CLVS1: variants seen among roughly 807,000 people sequenced by gnomAD.
CLVS1 encodes clavesin-1.
Under a neutral mutation model 33.1 loss-of-function variants are expected in CLVS1, and 10 were observed. That is an observed-to-expected ratio of 0.30 (90% CI 0.19 to 0.51). The LOEUF is 0.51. Among genes scored for constraint, CLVS1 ranks in the 20% least tolerant of loss-of-function variants. The pLI, the probability that CLVS1 is intolerant of heterozygous loss-of-function variation, is 0.97. For missense variants in CLVS1, 343 were observed against 433.4 expected, an observed-to-expected ratio of 0.79 and a Z score of 1.85; for synonymous variants, 163 against 166.1, an observed-to-expected ratio of 0.98 and a Z score of 0.14.
In CLVS1 at chr8:61,406,607, TG is replaced by T. The variant is rs942564423; in HGVS notation, c.630+29829del. On this transcript the variant is annotated intron_variant, in intron 3 of 5. Transcript: ENST00000325897. ...GATTCCAGGAGGTTTGACATAGATT[TG>T]TTTTTTTTGTGGGGGGGGGGATGGA... Among the ~76,000 whole-genome samples, 8 of 150,292 alleles carry T rather than the reference TG, an allele frequency of 5.3e-5. No individual in the cohort carries two copies. The East Asian group carries it at 1.2e-3, about 22-fold the overall frequency.
At chr8:61,182,479 T>C (rs1325586089) in intron 2 of CLVS1, among the ~76,000 whole-genome samples, 1 of 151,850 alleles carries the variant, frequency 6.6e-6, no homozygotes, top group Non-Finnish European at 1.5e-5. Context: ...TTAAACAAAT[T>C]TATGAGAAAA....
chr8:61,354,741 C>CA (rs1352063374), intron 2 of CLVS1, among the ~76,000 whole-genome samples: 2 of 152,126 alleles, frequency 1.3e-5, no homozygotes, highest in Non-Finnish European at 2.9e-5. Context: ...CATTATATAA[C>CA]ATTCAATTTC....
upstream of CLVS1, among the ~76,000 whole-genome samples, chr8:61,055,938 A>G (rs1804466663): frequency 6.6e-6 from 1 of 152,200 alleles, no homozygotes; most frequent in African/African-American, 2.4e-5. Context: ...CACGCTTAAC[A>G]TGTGGCTCCC....
chr8:61,144,056 T>C (rs1296104844), intron 2 of CLVS1, among the ~76,000 whole-genome samples: 1 of 139,810 alleles, frequency 7.2e-6, no homozygotes, highest in Non-Finnish European at 1.6e-5. Flanking sequence ...TGTATATATA[T>C]ACATATATAT....
At chr8:61,118,733 GAGAT>G (rs1805795766) in intron 1 of CLVS1, among the ~76,000 whole-genome samples, 2 of 152,090 alleles carry the variant, frequency 1.3e-5, no homozygotes, top group South Asian at 4.2e-4. Flanking sequence ...TGTGGTCTGA[GAGAT>G]AGTTTGTTAT....
chr8:60,985,852 T>G, the CLVS1 span, among the ~76,000 whole-genome samples: 1 of 151,728 alleles, frequency 6.6e-6, no homozygotes, highest in East Asian at 1.9e-4. Context: ...AGAACAGCTT[T>G]GTCAAACTAG....
At chr8:61,222,989 C>A (rs371374949) in intron 2 of CLVS1, among the ~76,000 whole-genome samples, 1 of 141,762 alleles carries the variant, frequency 7.1e-6, no homozygotes, top group African/African-American at 2.6e-5. Flanking sequence ...ACTAGGATTG[C>A]AAAAAAAAAG....
chr8:61,289,772 G>A (rs1036201634), intron 1 of CLVS1, among the ~76,000 whole-genome samples: 23 of 152,260 alleles, frequency 1.5e-4, no homozygotes, highest in South Asian at 4.1e-4. Context: ...TGTATCTTGC[G>A]GAAGAAGTTC....
chr8:61,462,346 A>G (rs1288935229), intron 5 of CLVS1, among the ~76,000 whole-genome samples: 1 of 152,116 alleles, frequency 6.6e-6, no homozygotes, highest in Non-Finnish European at 1.5e-5. Flanking sequence ...TATGGTAGCT[A>G]TAGTCTTATG....
At chr8:61,244,993 A>G (rs1808776676) in intron 2 of CLVS1, among the ~76,000 whole-genome samples, 2 of 152,186 alleles carry the variant, frequency 1.3e-5, no homozygotes, top group South Asian at 2.1e-4. Context: ...AATTACATGC[A>G]TAAATAATCA....
At chr8:61,354,769 G>C (rs902985241) in intron 2 of CLVS1, among the ~76,000 whole-genome samples, 6 of 152,106 alleles carry the variant, frequency 3.9e-5, no homozygotes, top group Non-Finnish European at 7.4e-5. Context: ...TTTTCGAAAT[G>C]ACAAAATTTT....
chr8:61,332,031 C>T (rs1382977093), intron 2 of CLVS1, among the ~76,000 whole-genome samples: 1 of 152,176 alleles, frequency 6.6e-6, no homozygotes, highest in African/African-American at 2.4e-5. Context: ...GGTGGCATGG[C>T]AGGGCAGCAC....
intron 1 of CLVS1, among the ~76,000 whole-genome samples, chr8:61,067,420 A>G (rs986239408): frequency 7.4e-5 from 11 of 148,792 alleles, no homozygotes; most frequent in African/African-American, 2.4e-4. Flanking sequence ...GTGAGTATAT[A>G]TACTTATAAG....
intron 5 of CLVS1, among the ~76,000 whole-genome samples, chr8:61,473,341 T>TAAAAAAAAA (rs58281654): frequency 1.0e-5 from 1 of 96,228 alleles, no homozygotes; most frequent in Non-Finnish European, 2.1e-5. Flanking sequence ...TCACGGAATT[T>TAAAAAAAAA]AAAAAAAAAA....
chr8:61,084,065 T>C (rs988823938), intron 1 of CLVS1, among the ~76,000 whole-genome samples: 3 of 152,148 alleles, frequency 2.0e-5, no homozygotes, highest in African/African-American at 7.2e-5. Context: ...ATGGGGTAAA[T>C]AATAACATCC....
the CLVS1 span, among the ~76,000 whole-genome samples, chr8:60,986,496 C>T: frequency 6.6e-6 from 1 of 152,186 alleles, no homozygotes; most frequent in Non-Finnish European, 1.5e-5. Flanking sequence ...AGTTTATGAC[C>T]TCAGTGGGGA....
chr8:61,130,273 A>AAATAAATAAATG (rs1806068515), intron 1 of CLVS1, among the ~76,000 whole-genome samples: 1 of 150,942 alleles, frequency 6.6e-6, no homozygotes, highest in Admixed American at 6.6e-5. Flanking sequence ...ATAAATAAAT[A>AAATAAATAAATG]AATATAAAAA....
chr8:61,255,649 G>T (rs1327775940), intron 2 of CLVS1, among the ~76,000 whole-genome samples: 1 of 152,096 alleles, frequency 6.6e-6, no homozygotes, highest in Non-Finnish European at 1.5e-5. Flanking sequence ...CTCATGTTTG[G>T]TTCCAAGGCA....
chr8:61,065,201 A>G (rs1170553312), intron 1 of CLVS1, among the ~76,000 whole-genome samples: 1 of 152,260 alleles, frequency 6.6e-6, no homozygotes, highest in African/African-American at 2.4e-5. Context: ...GTCCTCCCGT[A>G]TACTTTAAAT....
Sources: allele counts gnomAD v4.1 joint callset (sites outside exome capture counted in the v4.1 genomes callset), GRCh38; gene constraint gnomAD v4.1.1; transcripts MANE v1.5; gene names NCBI Gene and HGNC (gene_info 2026-07-23, HGNC 2026-07-21).